NCAM2: variants seen among roughly 807,000 people sequenced by gnomAD.
NCAM2 encodes N-CAM-2.
A neutral mutation model predicts 98.1 loss-of-function variants in NCAM2; 30 were observed. That is an observed-to-expected ratio of 0.31 (90% CI 0.23 to 0.41). The LOEUF is 0.41. Among genes scored for constraint, NCAM2 ranks in the 10% least tolerant of loss-of-function variants. The pLI is 1.00. For synonymous variants in NCAM2, 368 were observed against 342.4 expected (o/e 1.07, Z -0.83); for missense variants, 867 against 1,005.8 (o/e 0.86, Z 1.87).
chr21:21,174,813 TAGAA>T (rs1235778443), intron 1 of NCAM2, among the ~76,000 whole-genome samples: 1 of 151,930 alleles, frequency 6.6e-6, no homozygotes, highest in Non-Finnish European at 1.5e-5. Flanking sequence ...TATCTTTAAA[TAGAA>T]AGGCCAGGGA....
intron 5 of NCAM2, among the ~76,000 whole-genome samples, chr21:21,301,749 T>C (rs934030807): frequency 1.3e-5 from 2 of 151,634 alleles, no homozygotes; most frequent in Admixed American, 6.6e-5. Context: ...TATTCCATGG[T>C]GTAACAAATT....
intron 1 of NCAM2, among the ~76,000 whole-genome samples, chr21:21,105,522 T>C (rs1005320517): frequency 6.6e-6 from 1 of 152,082 alleles, no homozygotes. Context: ...ATATACATGA[T>C]TGCTTGCAAT....
intron 7 of NCAM2, among the ~76,000 whole-genome samples, chr21:21,337,307 A>G (rs1029016018): frequency 1.4e-5 from 2 of 145,982 alleles, no homozygotes; most frequent in Non-Finnish European, 3.1e-5. Flanking sequence ...TGAAAATTTT[A>G]CATGTTATGT....
chr21:21,255,707 C>G (rs1354374327), intron 1 of NCAM2, among the ~76,000 whole-genome samples: 3 of 152,146 alleles, frequency 2.0e-5, no homozygotes, highest in African/African-American at 7.2e-5. Flanking sequence ...ACAAAGGTGA[C>G]CTAACTGCCT....
At chr21:21,067,877 T>C (rs2065472998) in intron 1 of NCAM2, among the ~76,000 whole-genome samples, 1 of 152,100 alleles carries the variant, frequency 6.6e-6, no homozygotes, top group Admixed American at 6.5e-5. Context: ...TTTATGTGGG[T>C]TATAATAGAG....
At chr21:21,161,299 A>G (rs1156989645) in intron 1 of NCAM2, among the ~76,000 whole-genome samples, 1 of 151,994 alleles carries the variant, frequency 6.6e-6, no homozygotes, top group Non-Finnish European at 1.5e-5. Flanking sequence ...TAGAAATACA[A>G]TGTCTGTAAG....
chr21:21,190,580 C>T (rs1342519949), intron 1 of NCAM2, among the ~76,000 whole-genome samples: 17 of 152,270 alleles, frequency 1.1e-4, no homozygotes, highest in Non-Finnish European at 2.5e-4. Flanking sequence ...ATTAAGTATG[C>T]ACTATTAGTT....
intron 8 of NCAM2, among the ~76,000 whole-genome samples, chr21:21,356,369 A>G (rs1372617188): frequency 6.6e-6 from 1 of 152,126 alleles, no homozygotes; most frequent in African/African-American, 2.4e-5. Context: ...CAAACTTTAT[A>G]TTTTAAAAAT....
chr21:21,017,343 T>C (rs2064330217), intron 1 of NCAM2, among the ~76,000 whole-genome samples: 2 of 137,528 alleles, frequency 1.5e-5, no homozygotes, highest in Admixed American at 8.4e-5. Flanking sequence ...GGAGAATCAC[T>C]TGAACCCAGG....
intron 12 of NCAM2, among the ~76,000 whole-genome samples, chr21:21,453,012 TA>T (rs1387839971): frequency 1.9e-5 from 2 of 104,478 alleles, no homozygotes; most frequent in Admixed American, 1.4e-4. Flanking sequence ...ATATAATATA[TA>T]AAAATATATA....
intron 8 of NCAM2, among the ~76,000 whole-genome samples, chr21:21,339,927 T>G (rs1280602169): frequency 1.3e-5 from 2 of 151,850 alleles, no homozygotes; most frequent in Non-Finnish European, 3.0e-5. Context: ...ATTTTATATA[T>G]TCAAGTTGAA....
At chr21:21,181,325 C>T (rs892480045) in intron 1 of NCAM2, among the ~76,000 whole-genome samples, 4 of 151,674 alleles carry the variant, frequency 2.6e-5, no homozygotes, top group East Asian at 3.9e-4. Context: ...GTCTCTTTAC[C>T]GACTTACCAT....
chr21:21,285,929 T>C (rs566923845), intron 3 of NCAM2, among the ~76,000 whole-genome samples: 1 of 152,002 alleles, frequency 6.6e-6, no homozygotes, highest in South Asian at 2.1e-4. Flanking sequence ...GCAAATGCCC[T>C]GTGGTGAGAA....
At chr21:21,129,254 A>G (rs2066888129) in intron 1 of NCAM2, among the ~76,000 whole-genome samples, 1 of 152,176 alleles carries the variant, frequency 6.6e-6, no homozygotes, top group Non-Finnish European at 1.5e-5. Context: ...TTAAAAATGT[A>G]TTTAATTCAC....
chr21:21,511,659 G>T (rs1036103637), intron 16 of NCAM2, among the ~76,000 whole-genome samples: 1 of 151,892 alleles, frequency 6.6e-6, no homozygotes. Flanking sequence ...GTTTTTTGAG[G>T]AAGCTTCATG....
chr21:21,108,752 A>T (rs998366470), intron 1 of NCAM2, among the ~76,000 whole-genome samples: 2 of 152,138 alleles, frequency 1.3e-5, no homozygotes, highest in Admixed American at 1.3e-4. Context: ...AGCATAGCTC[A>T]TGAATCTCCT....
intron 12 of NCAM2, among the ~76,000 whole-genome samples, chr21:21,464,519 A>C (rs233798): frequency 0.56 from 85,002 of 151,938 alleles, 25,170 homozygotes; most frequent in African/African-American, 0.7. Context: ...TAGTGAGACC[A>C]CATCTCTATT....
chr21:21,438,232 A>G (rs993878401), intron 12 of NCAM2, among the ~76,000 whole-genome samples: 1 of 151,802 alleles, frequency 6.6e-6, no homozygotes, highest in African/African-American at 2.4e-5. Flanking sequence ...GTCCAATTCT[A>G]ATTGCTGATG....
chr21:21,125,454 A>C (rs983384341), intron 1 of NCAM2, among the ~76,000 whole-genome samples: 1 of 80,372 alleles, frequency 1.2e-5, no homozygotes, highest in African/African-American at 3.9e-5. Flanking sequence ...TGTATTACAT[A>C]TATAGAGACA....
Sources: gnomAD v4.1 joint callset for allele counts (sites outside exome capture counted in the v4.1 genomes callset) on GRCh38, gnomAD v4.1.1 for gene constraint, MANE v1.5 for transcripts, NCBI Gene and HGNC (gene_info 2026-07-23, HGNC 2026-07-21) for gene names.